Variants in EXOC3L2 observed in about 807,000 individuals in gnomAD.
EXOC3L2 encodes the protein exocyst complex component 3 like 2, also known as exocyst complex component 3-like protein 2.
A neutral mutation model predicts 44.4 loss-of-function variants in EXOC3L2; 17 were observed. That is an observed-to-expected ratio of 0.38 (90% confidence interval 0.26 to 0.57). EXOC3L2 has a LOEUF of 0.57. Ranked by LOEUF, EXOC3L2 falls within the 20% of genes least tolerant of loss-of-function variation. The pLI is 0.65. For synonymous variants in EXOC3L2, 256 were observed against 253.7 expected, an observed-to-expected ratio of 1.01 and a Z score of -0.09; for missense variants, 541 against 588.4, an observed-to-expected ratio of 0.92 and a Z score of 0.83.
In EXOC3L2 at chr19:45,226,779, G is replaced by T. The variant is rs370424672; in HGVS notation, c.1583+883C>A. ...TTTTTTTTTTTTTTTTTGAGACGGA[G>T]TCTCGCTCTGACGCCCAGGCTGGAG... On this transcript the variant is annotated intron_variant, in intron 7 of 11. Coordinates refer to ENST00000413988, the MANE Select transcript of EXOC3L2 (RefSeq NM_001382422.1). Among the ~76,000 whole-genome samples the T allele has an allele frequency of 1.3e-3, 136 of 102,108 alleles. 1 individual carries two copies. Among genetic ancestry groups the T allele is most frequent in the African/African-American group, 8.2e-3 (129 of 15,724 alleles). The allele number at this position is 102,108 out of a possible 152,430, so 67.0% of individuals were successfully genotyped here. A position where few individuals can be genotyped will look rare whatever the true frequency, so the allele number is the denominator to read the frequency against.
chr19:45,213,841 C>T (rs1327394644), intron 11 of EXOC3L2, among the ~76,000 whole-genome samples: 1 of 151,660 alleles, frequency 6.6e-6, no homozygotes, highest in East Asian at 1.9e-4. Flanking sequence ...GTAATCCTAG[C>T]TACTCAGGAG....
Position 45,234,720 on chromosome 19 carries a change from A to C in EXOC3L2, c.630T>G (p.Pro210=), listed in dbSNP as rs1188296924. ...EELAPSRGGA[P]GPPKAEGAGG... is the part of the protein sequence containing the mutation. Reference sequence around the variant, plus strand: ...CAGCGCCCTCGGCCTTGGGAGGCCCAGGCGCGCCGCCCCTCGACGGCGCCA... The same window carrying C: ...CAGCGCCCTCGGCCTTGGGAGGCCCCGGCGCGCCGCCCCTCGACGGCGCCA... The change falls in exon 3 of 12, where the codon CCT becomes CCG. Residue 210 remains proline, a synonymous_variant. Coordinates refer to ENST00000413988, the MANE Select transcript of EXOC3L2 (RefSeq NM_001382422.1). This position sits in a 1 kb window ranked among gnomAD's most constrained non-coding sequence, Gnocchi z 5.0. The C allele has an allele frequency of 5.1e-6, 2 of 391,472 alleles. No homozygotes were observed. The highest frequency in any genetic ancestry group is 9.0e-6 in the Non-Finnish European group (2 of 221,516). The allele number at this position is 391,472 out of a possible 1,614,324, so 24.2% of individuals were successfully genotyped here.
At chr19:45,239,932 G>T (rs1288668077) in intron 1 of EXOC3L2, among the ~76,000 whole-genome samples, 1 of 151,886 alleles carries the variant, frequency 6.6e-6, no homozygotes, top group African/African-American at 2.4e-5. Flanking sequence ...GATGATATGG[G>T]GACTCAGGCC....
chr19:45,224,254 G>C (rs539334098), intron 8 of EXOC3L2, among the ~76,000 whole-genome samples: 28 of 152,182 alleles, frequency 1.8e-4, no homozygotes, highest in Admixed American at 2.6e-4. Flanking sequence ...CGGGTTGTGG[G>C]GGCTACAGTG....
chr19:45,227,808 G>C (rs1437013925), intron 6 of EXOC3L2, 36 bp from the exon 7 acceptor site: 1 of 1,585,286 alleles, frequency 6.3e-7, no homozygotes. Flanking sequence ...GGGCGCCACT[G>C]GGTCAGGGTC....
intron 4 of EXOC3L2, 47 bp downstream of exon 4, chr19:45,231,716 C>G (rs1970033737): frequency 6.6e-7 from 1 of 1,525,056 alleles, no homozygotes; most frequent in East Asian, 2.3e-5. Context: ...CTGTGACCCC[C>G]TCCCTCCACA....
At chr19:45,217,758 A>AC (rs1209807469) in intron 9 of EXOC3L2, 75 bp from the exon 10 acceptor site, 23 of 1,364,858 alleles carry the variant, frequency 1.7e-5, no homozygotes, top group Non-Finnish European at 2.2e-5. Context: ...TCTGAAGGCC[A>AC]CCCCCGCCCC....
chr19:45,230,884 A>G (rs1390579753), intron 4 of EXOC3L2, among the ~76,000 whole-genome samples: 1 of 151,648 alleles, frequency 6.6e-6, no homozygotes, highest in Non-Finnish European at 1.5e-5. Context: ...CAGGATTTTG[A>G]GACTAGCCTG....
chr19:45,235,539 G>C (rs965047545), intron 2 of EXOC3L2, among the ~76,000 whole-genome samples: 2 of 152,016 alleles, frequency 1.3e-5, no homozygotes, highest in African/African-American at 4.8e-5. Context: ...TTTGGGGTGG[G>C]GATGGCTGTG....
intron 1 of EXOC3L2, among the ~76,000 whole-genome samples, chr19:45,239,955 C>T (rs1348453235): frequency 1.3e-5 from 2 of 152,140 alleles, no homozygotes; most frequent in Admixed American, 6.6e-5. Context: ...ACCATCCACC[C>T]AGACGTCCAG....
chr19:45,234,375 C>T lies in EXOC3L2; in HGVS notation c.975G>A (p.Glu325=). 5.8e-6 allele frequency: 2 copies of T among 342,290 alleles called. No homozygotes were observed. Among genetic ancestry groups the T allele is most frequent in the Non-Finnish European group, 1.1e-5 (2 of 189,734 alleles). The allele number at this position is 342,290 out of a possible 1,614,324, so 21.2% of individuals were successfully genotyped here. Reference sequence around the variant, plus strand: ...GGCGGCCCCGCACCACGGCCATATCCTCCAGCAGCCGCGCCCGCAGCGCCT... The same window carrying T: ...GGCGGCCCCGCACCACGGCCATATCTTCCAGCAGCCGCGCCCGCAGCGCCT... ...QLEALRARLL[E]DMAVVRGRLA... is the part of the protein sequence containing the mutation. Residue 325 remains glutamate (E), a synonymous_variant, in exon 3 of 12, where the codon GAG becomes GAA. Transcript: ENST00000413988. This position sits in a 1 kb window ranked among gnomAD's most constrained non-coding sequence, Gnocchi z 5.0.
chr19:45,232,432 A>G (rs1160174580), intron 3 of EXOC3L2, among the ~76,000 whole-genome samples: 1 of 152,152 alleles, frequency 6.6e-6, no homozygotes, highest in East Asian at 1.9e-4. Flanking sequence ...CATCCCTTAT[A>G]GATAACATGA....
chr19:45,229,268 AATAT>A (rs1389924464), intron 4 of EXOC3L2, among the ~76,000 whole-genome samples: 19 of 121,962 alleles, frequency 1.6e-4, no homozygotes, highest in African/African-American at 6.1e-4. Flanking sequence ...TTATGTATTA[AATAT>A]ATACATATAT....
intron 11 of EXOC3L2, 103 bp downstream of exon 11, chr19:45,215,970 C>T (rs754043192): frequency 8.7e-6 from 13 of 1,500,740 alleles, no homozygotes; most frequent in African/African-American, 5.6e-5. Context: ...ACACGCTCAC[C>T]GGCTCCCTCC....
chr19:45,243,799 T>G (rs1970148851), intron 1 of EXOC3L2, among the ~76,000 whole-genome samples: 1 of 151,996 alleles, frequency 6.6e-6, no homozygotes, highest in Admixed American at 6.6e-5. Flanking sequence ...CTGGCTAATT[T>G]TTGTATTTTT....
At chr19:45,241,245 C>G (rs1416991733) in intron 1 of EXOC3L2, among the ~76,000 whole-genome samples, 1 of 152,054 alleles carries the variant, frequency 6.6e-6, no homozygotes, top group Admixed American at 6.6e-5. Context: ...AATCCCAGCA[C>G]TTTGGGAGGC....
intron 2 of EXOC3L2, among the ~76,000 whole-genome samples, chr19:45,237,213 G>A (rs76562079): frequency 0.024 from 3,637 of 152,006 alleles, 143 homozygotes; most frequent in African/African-American, 0.083. Flanking sequence ...TAAAGATGGC[G>A]TTTAGGCCAG....
intron 1 of EXOC3L2, among the ~76,000 whole-genome samples, chr19:45,244,986 C>T (rs346742): frequency 0.5 from 76,038 of 151,182 alleles, 20,173 homozygotes; most frequent in Non-Finnish European, 0.58. Context: ...GAACAAATAC[C>T]CGATCCTTCC....
At chr19:45,231,216 C>T (rs571883095) in intron 4 of EXOC3L2, among the ~76,000 whole-genome samples, 3 of 152,292 alleles carry the variant, frequency 2.0e-5, no homozygotes, top group South Asian at 4.1e-4. Flanking sequence ...GGAATTGAGA[C>T]AGCAAACATC....
Sources: gnomAD v4.1 joint callset for allele counts (sites outside exome capture counted in the v4.1 genomes callset) on GRCh38, gnomAD v4.1.1 for gene constraint, Gnocchi (gnomAD v3.1) non-coding constraint, MANE v1.5 for transcripts, NCBI Gene and HGNC (gene_info 2026-07-23, HGNC 2026-07-21) for gene names.